The following PSD3 variants were observed in gnomAD, a reference collection of about 807,000 sequenced individuals.
PSD3 encodes the protein pleckstrin and Sec7 domain containing 3, also known as PH and SEC7 domain-containing protein 3.
Under a neutral mutation model 105.5 loss-of-function variants are expected in PSD3, and 49 were observed. The observed-to-expected ratio is 0.46, with a 90% CI of 0.37 to 0.59. The LOEUF (loss-of-function observed/expected upper bound fraction) is 0.59, where lower values mean the gene tolerates loss of function less well. PSD3 is among the 20% of genes least tolerant of loss of function. PSD3 has a pLI of 0.00. For missense variants in PSD3, 1,561 were observed against 1,263.8 expected (o/e 1.24, Z -3.57); for synonymous variants, 557 against 457.8 (o/e 1.22, Z -2.77).
rs544918214 is a variant in PSD3, at chr8:18,973,748, T to G, written c.22-37606A>C. ...TTGCTCTAGATGGCAGAATTAGACATGAAGTGGGAGTATTAGAGTTGGACT... is the reference window on the plus strand; with the variant it reads ...TTGCTCTAGATGGCAGAATTAGACAGGAAGTGGGAGTATTAGAGTTGGACT... On this transcript the variant is annotated intron_variant, in intron 1 of 15. Transcript: ENST00000327040. Among the ~76,000 whole-genome samples the G allele has an allele frequency of 3.9e-5, 6 of 152,348 alleles. No individual in the cohort carries two copies. In the South Asian group the frequency reaches 1.2e-3, roughly 32 times the overall value.
intron 1 of PSD3, among the ~76,000 whole-genome samples, chr8:18,997,224 C>T (rs932611514): frequency 1.3e-5 from 2 of 151,896 alleles, no homozygotes; most frequent in Non-Finnish European, 2.9e-5. Context: ...ACCTGCCTAC[C>T]AGACAGCTCC....
intron 2 of PSD3, among the ~76,000 whole-genome samples, chr8:18,905,604 G>A (rs925331376): frequency 6.6e-6 from 1 of 152,178 alleles, no homozygotes; most frequent in Non-Finnish European, 1.5e-5. Context: ...TTATAGGCGT[G>A]AGCCACCACA....
chr8:18,669,999 G>T (rs543870917), intron 9 of PSD3, among the ~76,000 whole-genome samples: 9 of 152,184 alleles, frequency 5.9e-5, no homozygotes, highest in African/African-American at 2.2e-4. Flanking sequence ...TTTGAGTGGG[G>T]TGGAAGCAGG....
chr8:18,740,767 A>G (rs780019470), intron 9 of PSD3, among the ~76,000 whole-genome samples: 2 of 152,130 alleles, frequency 1.3e-5, no homozygotes, highest in Non-Finnish European at 2.9e-5. Flanking sequence ...AAATGAACAA[A>G]TGATTCCCTC....
intron 9 of PSD3, chr8:18,730,417 T>C (rs1803656979): frequency 6.6e-6 from 1 of 152,212 alleles, no homozygotes; most frequent in African/African-American, 2.4e-5. Context: ...TGACTTGTCA[T>C]TGTGGAGGAA....
chr8:18,697,696 T>C (rs1211516419), intron 9 of PSD3, among the ~76,000 whole-genome samples: 1 of 152,218 alleles, frequency 6.6e-6, no homozygotes, highest in East Asian at 1.9e-4. Flanking sequence ...ATTGCGTGAA[T>C]TACCTCTGGG....
Position 18,903,801 on chromosome 8 carries a change from G to A in PSD3, c.131-31068C>T, listed in dbSNP as rs555033417. ...ACTAGGATATAGGACCTTTCTGGGG[G>A]GCCAAGGCACCGTTTTGGGGACATG... On this transcript the variant is annotated intron_variant, in intron 2 of 15. Transcript: ENST00000327040. 7.9e-5 allele frequency among the ~76,000 whole-genome samples: 12 copies of A among 152,192 alleles called. No individual in the cohort carries two copies. The South Asian group carries it at 2.5e-3, about 32-fold the overall frequency.
chr8:19,043,580 C>T (rs1450272866), intron 1 of PSD3, among the ~76,000 whole-genome samples: 1 of 152,108 alleles, frequency 6.6e-6, no homozygotes, highest in Non-Finnish European at 1.5e-5. Context: ...GAGCGTTTGT[C>T]CCATCCAAAA....
At chr8:19,052,128 G>C (rs748476568) in intron 1 of PSD3, among the ~76,000 whole-genome samples, 5 of 152,290 alleles carry the variant, frequency 3.3e-5, no homozygotes, top group Non-Finnish European at 5.9e-5. Flanking sequence ...AGAGAGCAAG[G>C]ATGGTCCAGA....
chr8:18,690,729 G>A (rs1337689535), intron 9 of PSD3, among the ~76,000 whole-genome samples: 3 of 152,142 alleles, frequency 2.0e-5, no homozygotes, highest in African/African-American at 7.2e-5. Flanking sequence ...ATAAACACTT[G>A]GCCCACAGTG....
chr8:18,634,839 G>C (rs1218659768), intron 10 of PSD3, among the ~76,000 whole-genome samples: 1 of 152,078 alleles, frequency 6.6e-6, no homozygotes, highest in East Asian at 1.9e-4. Context: ...ACTTGGTTAA[G>C]GCAGTGTCCC....
Position 18,632,780 on chromosome 8 carries a change from G to T in PSD3, c.2243C>A (p.Pro748His), listed in dbSNP as rs756774402. ...AGCTTTCTCCTCAGTACTTTCTGAG[G>T]GAGACTTTTTTTTCTCTTCATCATC... ...AVDDEEKKKS[P>H]SESTEEKANG... Residue 748 changes from proline to histidine, a missense_variant, in exon 11 of 16, where the codon CCC (proline) becomes CAC (histidine). Transcript: ENST00000327040. The T allele has an allele frequency of 6.3e-7, 1 of 1,591,334 alleles. No homozygotes were observed. Among genetic ancestry groups the T allele is most frequent in the African/African-American group, 1.3e-5 (1 of 74,226 alleles).
chr8:19,043,433 A>G lies in PSD3; in HGVS notation c.324+40773T>C, dbSNP rs765643068. 1.8e-4 allele frequency among the ~76,000 whole-genome samples: 28 copies of G among 152,202 alleles called. 1 individual carries two copies. The highest frequency in any genetic ancestry group is 1.2e-3 in the Admixed American group (19 of 15,284). ...TGTCAATATCCCCTTGAACTTAACAAATTCTGGCTGGGAAAGAAACTAGTA... is the reference window on the plus strand; with the variant it reads ...TGTCAATATCCCCTTGAACTTAACAGATTCTGGCTGGGAAAGAAACTAGTA... On this transcript the variant is annotated intron_variant, in intron 1 of 1. Coordinates refer to the PSD3 transcript ENST00000521475.
chr8:18,614,135 C>G (rs747930320), intron 11 of PSD3, among the ~76,000 whole-genome samples: 5 of 152,182 alleles, frequency 3.3e-5, no homozygotes, highest in Non-Finnish European at 5.9e-5. Context: ...CTGGGGTTTC[C>G]TCTAATCACT....
At chr8:18,590,628 T>A (rs186283904) in intron 12 of PSD3, among the ~76,000 whole-genome samples, 12 of 152,158 alleles carry the variant, frequency 7.9e-5, no homozygotes, top group African/African-American at 2.9e-4. Flanking sequence ...CTAGGAATCT[T>A]AAGAAAATAA....
At chr8:19,058,934 C>T (rs1412243173) in intron 1 of PSD3, among the ~76,000 whole-genome samples, 2 of 152,146 alleles carry the variant, frequency 1.3e-5, no homozygotes, top group Non-Finnish European at 2.9e-5. Flanking sequence ...GATGGGCACC[C>T]ATAGCTGGCC....
chr8:19,060,870 G>A (rs1460587398), intron 1 of PSD3, among the ~76,000 whole-genome samples: 1 of 152,214 alleles, frequency 6.6e-6, no homozygotes, highest in Non-Finnish European at 1.5e-5. Flanking sequence ...AAACTGGCAA[G>A]TGGCTTTGAC....
intron 2 of PSD3, among the ~76,000 whole-genome samples, chr8:18,913,068 AACAC>A (rs1188033210): frequency 9.7e-5 from 11 of 113,182 alleles, no homozygotes; most frequent in Non-Finnish European, 1.5e-4. Flanking sequence ...CAACTTTATA[AACAC>A]ACACACACAC....
intron 2 of PSD3, among the ~76,000 whole-genome samples, chr8:18,907,338 T>A (rs1819911413): frequency 6.6e-6 from 1 of 152,154 alleles, no homozygotes; most frequent in Admixed American, 6.5e-5. Flanking sequence ...TTGTTTCATT[T>A]TATTTATTTT....
Sources: allele counts gnomAD v4.1 joint callset (sites outside exome capture counted in the v4.1 genomes callset), GRCh38; gene constraint gnomAD v4.1.1; transcripts MANE v1.5; gene names NCBI Gene and HGNC (gene_info 2026-07-23, HGNC 2026-07-21).